KANK4: variants seen among roughly 807,000 people sequenced by gnomAD.
The protein encoded by KANK4 is KN motif and ankyrin repeat domains 4.
In KANK4, 50 loss-of-function variants were observed where a neutral mutation model predicts 80.8. That is an observed-to-expected ratio of 0.62 (90% confidence interval 0.49 to 0.78). KANK4 has a LOEUF of 0.78. KANK4 is among the 30% of genes least tolerant of loss of function. The pLI is 0.00. For synonymous variants in KANK4, 465 were observed against 506.9 expected (o/e 0.92, Z 1.11); for missense variants, 1,196 against 1,240.1 (o/e 0.96, Z 0.53).
At chr1:62,269,287 T>G (rs1672103354) in intron 4 of KANK4, among the ~76,000 whole-genome samples, 1 of 152,194 alleles carries the variant, frequency 6.6e-6, no homozygotes, top group Non-Finnish European at 1.5e-5. Context: ...AGATCCCTAA[T>G]GGAGAATGCT....
intron 5 of KANK4, among the ~76,000 whole-genome samples, chr1:62,268,066 T>C (rs1672067302): frequency 6.6e-6 from 1 of 152,158 alleles, no homozygotes; most frequent in Non-Finnish European, 1.5e-5. Flanking sequence ...AAATGTTGAC[T>C]TTACAGGTAG....
intron 2 of KANK4, among the ~76,000 whole-genome samples, chr1:62,278,396 T>TCTTTC: frequency 1.9e-5 from 1 of 51,516 alleles, no homozygotes; most frequent in Non-Finnish European, 3.3e-5. Context: ...TTTCTTTCTT[T>TCTTTC]CTTTTTTTTT....
Position 62,236,402 on chromosome 1 carries a change from T to G in KANK4, c.*1875A>C, listed in dbSNP as rs1005873833. ...TTAACGTAGGATGTTGCTCTTACAA[T>G]GTATTTTGAGGTCAAAATAAACTCA... On this transcript the variant is annotated 3_prime_UTR_variant, in exon 10 of 10. Coordinates refer to ENST00000371153, the MANE Select transcript of KANK4 (RefSeq NM_181712.5). Among the ~76,000 whole-genome samples the G allele has an allele frequency of 1.3e-5, 2 of 152,160 alleles. No individual in the cohort carries two copies. The highest frequency in any genetic ancestry group is 1.3e-4 in the Admixed American group (2 of 15,278).
At chr1:62,268,014 A>T (rs1262528149) in intron 5 of KANK4, among the ~76,000 whole-genome samples, 1 of 152,172 alleles carries the variant, frequency 6.6e-6, no homozygotes, top group Admixed American at 6.5e-5. Context: ...TTGTGTATAT[A>T]GGATAATACT....
intron 9 of KANK4, among the ~76,000 whole-genome samples, chr1:62,241,492 T>C (rs1671340776): frequency 6.6e-6 from 1 of 152,188 alleles, no homozygotes; most frequent in Non-Finnish European, 1.5e-5. Context: ...GTGAGGTTAT[T>C]TGATAAATTT....
rs1416100813 is a variant in KANK4, at chr1:62,274,146, T to G, written c.958A>C (p.Met320Leu). The G allele has an allele frequency of 1.2e-6, 2 of 1,614,054 alleles. No individual in the cohort carries two copies. The highest frequency in any genetic ancestry group is 2.2e-5 in the East Asian group (1 of 44,884). The change falls in exon 3 of 10, where the codon ATG (methionine) becomes CTG (leucine). Residue 320 changes from methionine (M) to leucine (L), a missense_variant. Met to Leu is a conservative substitution (Grantham distance 15, BLOSUM62 2). Around this residue, in one of 3 missense-constraint regions of KANK4, gnomAD observed 1,154 missense variants for 1,179.6 expected, o/e 0.98. Transcript: ENST00000371153. The stretch of plus-strand genomic sequence containing the variant: ...GTTACCCTGATGCCAATGCTTCTCA[T>G]GTCCACCTCTACAGGTGGCGGGGGT... Reference protein sequence around the residue: ...IPPPPPVEVDMRSIGIRVTEE... With the variant: ...IPPPPPVEVDLRSIGIRVTEE...
rs1672239244 is a variant in KANK4, at chr1:62,273,995, A to G, written c.1109T>C (p.Leu370Pro). ...TTTGATTTCCTCTTCCTGCTGCTGG[A>G]GAGCAGTTCTGACCTGTGCCAGTTC... ...TEELAQVRTA[L>P]QQQEEEIKAR... Residue 370 changes from leucine to proline, a missense_variant, in exon 3 of 10, where the codon CTC becomes CCC. By Grantham distance (98) the Leu-to-Pro change is moderately conservative. This residue lies in a region of KANK4 where 1,154 missense variants were observed against 1,179.6 expected (regional missense o/e 0.98). Coordinates refer to ENST00000371153, the MANE Select transcript of KANK4 (RefSeq NM_181712.5). The G allele has an allele frequency of 6.2e-7, 1 of 1,614,032 alleles. No homozygotes were observed.
chr1:62,309,846 A>G (rs1644483780), intron 1 of KANK4, among the ~76,000 whole-genome samples: 1 of 152,192 alleles, frequency 6.6e-6, no homozygotes, highest in Admixed American at 6.5e-5. Flanking sequence ...AAGTAGCCCA[A>G]AGCAATGGTT....
rs1190716141 is a variant in KANK4, at chr1:62,271,526, C to T, written c.1964G>A (p.Gly655Glu). 1.2e-6 allele frequency: 2 copies of T among 1,614,134 alleles called. No homozygotes were observed. The highest frequency in any genetic ancestry group is 2.2e-5 in the South Asian group (2 of 91,074). ...AAGGTTCTTTTTGGTCCCATTACCT[C>T]CTGCACGGAAGCCATAGTCTTTCTT... ...MKKKDYGFRA[G>E]GNGTKKNLQF... The change falls in exon 4 of 10, where the codon GGA becomes GAA. Residue 655 changes from glycine to glutamate, a missense_variant. Around this residue, in one of 3 missense-constraint regions of KANK4, gnomAD observed 1,154 missense variants for 1,179.6 expected, o/e 0.98. Transcript: ENST00000371153.
chr1:62,239,671 C>G (rs1046840517), intron 9 of KANK4, among the ~76,000 whole-genome samples: 1 of 152,114 alleles, frequency 6.6e-6, no homozygotes, highest in Non-Finnish European at 1.5e-5. Flanking sequence ...TCACTCCCCC[C>G]ACCCCACGAC....
intron 1 of KANK4, among the ~76,000 whole-genome samples, chr1:62,303,586 T>C (rs1324141157): frequency 6.6e-6 from 1 of 152,040 alleles, no homozygotes; most frequent in African/African-American, 2.4e-5. Context: ...CAACTACATG[T>C]TAGTGGCTAA....
At chr1:62,281,684 A>G in intron 1 of KANK4, 50 bp from the exon 2 acceptor site, 1 of 1,157,356 alleles carries the variant, frequency 8.6e-7, no homozygotes, top group South Asian at 1.2e-5. Context: ...GCGTTTGAAT[A>G]AGTATTGGGG....
At chr1:62,276,082 G>C (rs1418536440) in intron 2 of KANK4, among the ~76,000 whole-genome samples, 2 of 151,870 alleles carry the variant, frequency 1.3e-5, no homozygotes, top group Admixed American at 6.6e-5. Flanking sequence ...CCATACCCTG[G>C]GGGGCCATCA....
At chr1:62,242,042 G>C (rs1671354024) in intron 9 of KANK4, among the ~76,000 whole-genome samples, 2 of 152,140 alleles carry the variant, frequency 1.3e-5, no homozygotes, top group Non-Finnish European at 2.9e-5. Context: ...GCCTCTGCCA[G>C]AACTCTGGGA....
At chr1:62,270,867 G>A (rs1246244911) in intron 4 of KANK4, among the ~76,000 whole-genome samples, 3 of 152,038 alleles carry the variant, frequency 2.0e-5, no homozygotes, top group African/African-American at 4.8e-5. Context: ...CTTTATTTCT[G>A]TTATCTGTGA....
chr1:62,238,678 G>A (rs1357307155), intron 9 of KANK4, among the ~76,000 whole-genome samples: 1 of 150,918 alleles, frequency 6.6e-6, no homozygotes, highest in African/African-American at 2.4e-5. Flanking sequence ...CGCCCAGGGT[G>A]GAGTGCAGTG....
At chr1:62,245,036 G>A (rs1326446680) in intron 9 of KANK4, among the ~76,000 whole-genome samples, 3 of 152,132 alleles carry the variant, frequency 2.0e-5, no homozygotes, top group Non-Finnish European at 2.9e-5. Context: ...AGCTAACCAG[G>A]GACTTCCAAA....
chr1:62,304,803 C>A (rs1399323005), intron 1 of KANK4, among the ~76,000 whole-genome samples: 1 of 151,984 alleles, frequency 6.6e-6, no homozygotes, highest in African/African-American at 2.4e-5. Context: ...GGCTTGTGAG[C>A]CAGGAAATCC....
At chr1:62,280,082 A>C (rs1247491907) in intron 2 of KANK4, among the ~76,000 whole-genome samples, 1 of 152,228 alleles carries the variant, frequency 6.6e-6, no homozygotes, top group Non-Finnish European at 1.5e-5. Context: ...AGAGGCATTT[A>C]GAGTGTGAAA....
Sources: gnomAD v4.1 joint callset for allele counts (sites outside exome capture counted in the v4.1 genomes callset) on GRCh38, gnomAD v4.1.1 for gene constraint, gnomAD v4.1.1 regional missense constraint, MANE v1.5 for transcripts, NCBI Gene and HGNC (gene_info 2026-07-23, HGNC 2026-07-21) for gene names.